RAD51: variants seen among roughly 807,000 people sequenced by gnomAD.
RAD51 encodes DNA repair protein RAD51 homolog 1.
Under a neutral mutation model 41.5 loss-of-function variants are expected in RAD51, and 14 were observed. That is an observed-to-expected ratio of 0.34 (90% CI 0.22 to 0.53). RAD51 has a LOEUF of 0.53. RAD51 is among the 20% of genes least tolerant of loss of function. The pLI is 0.95. For synonymous variants in RAD51, 136 were observed against 148.6 expected (o/e 0.92, Z 0.62); for missense variants, 234 against 422.0 (o/e 0.55, Z 3.90).
chr15:40,709,183 TCTG>T, intron 5 of RAD51, 67 bp downstream of exon 5: 1 of 1,367,722 alleles, frequency 7.3e-7, no homozygotes, highest in Non-Finnish European at 1.0e-6. Context: ...TTTGCAAGCA[TCTG>T]TTAGGATGGC....
At chr15:40,719,023 C>T in intron 6 of RAD51, 124 bp downstream of exon 6, 1 of 829,808 alleles carries the variant, frequency 1.2e-6, no homozygotes, top group East Asian at 2.7e-5. Flanking sequence ...ATGTGTGGTT[C>T]AAAAGAATGA....
intron 9 of RAD51, 101 bp downstream of exon 9, chr15:40,730,075 T>TTTA: frequency 1.4e-6 from 2 of 1,472,196 alleles, no homozygotes; most frequent in South Asian, 2.3e-5. Flanking sequence ...AAAGCTACTG[T>TTTA]TGTATAGACA....
At chr15:40,702,576 A>T (rs7171898) in intron 3 of RAD51, among the ~76,000 whole-genome samples, 2 of 151,686 alleles carry the variant, frequency 1.3e-5, no homozygotes, top group African/African-American at 4.8e-5. Flanking sequence ...ACAATGGTGC[A>T]ATTTTGGCTC....
At chr15:40,697,672 G>C (rs1894735326) in intron 1 of RAD51, among the ~76,000 whole-genome samples, 1 of 148,658 alleles carries the variant, frequency 6.7e-6, no homozygotes, top group South Asian at 2.1e-4. Flanking sequence ...CCGCCTCCTG[G>C]GTTCACGCCA....
intron 9 of RAD51, among the ~76,000 whole-genome samples, chr15:40,730,515 T>TTTTTCTTTTTTTTTTTTCC (rs1555429741): frequency 8.5e-6 from 1 of 117,654 alleles, no homozygotes; most frequent in Non-Finnish European, 1.6e-5. Context: ...GAAAAAATTT[T>TTTTTCTTTTTTTTTTTTCC]TTTTCTTTTT....
chr15:40,728,060 A>G (rs1406210091), intron 6 of RAD51, among the ~76,000 whole-genome samples: 1 of 152,060 alleles, frequency 6.6e-6, no homozygotes, highest in East Asian at 1.9e-4. Context: ...GGGTTTTGCC[A>G]TGTTGACCAG....
chr15:40,707,810 C>T (rs1406911461), intron 4 of RAD51, among the ~76,000 whole-genome samples: 1 of 151,800 alleles, frequency 6.6e-6, no homozygotes, highest in Admixed American at 6.6e-5. Context: ...CACTGACTCC[C>T]AGGTTTGAGC....
intron 6 of RAD51, among the ~76,000 whole-genome samples, chr15:40,720,957 G>A (rs1896240040): frequency 6.6e-6 from 1 of 152,214 alleles, no homozygotes; most frequent in Admixed American, 6.5e-5. Flanking sequence ...CAAGGTGGGC[G>A]GATCACCTGA....
chr15:40,707,848 G>A, intron 4 of RAD51, among the ~76,000 whole-genome samples: 1 of 151,978 alleles, frequency 6.6e-6, no homozygotes, highest in East Asian at 1.9e-4. Context: ...CTCCTGAGTA[G>A]CTGCAATGAC....
intron 5 of RAD51, among the ~76,000 whole-genome samples, chr15:40,715,493 T>C (rs746632281): frequency 2.5e-4 from 38 of 152,290 alleles, no homozygotes; most frequent in Non-Finnish European, 3.8e-4. Context: ...ATTAAAATGG[T>C]AAAAGTTAGA....
intron 7 of RAD51, 90 bp downstream of exon 7, chr15:40,728,914 G>A (rs1896725832): frequency 8.9e-7 from 1 of 1,125,830 alleles, no homozygotes; most frequent in Non-Finnish European, 1.4e-6. Flanking sequence ...ATAGTAGTTT[G>A]AATTAGAAAT....
intron 3 of RAD51, among the ~76,000 whole-genome samples, chr15:40,703,992 C>G (rs983909382): frequency 7.9e-5 from 12 of 152,074 alleles, no homozygotes; most frequent in Admixed American, 6.6e-5. Flanking sequence ...CAGCCTCCAA[C>G]TCCTGGCTCA....
chr15:40,729,363 A>G, intron 7 of RAD51, 142 bp from the exon 8 acceptor site: 10 of 896,836 alleles, frequency 1.1e-5, no homozygotes, highest in Non-Finnish European at 1.6e-5. Context: ...ACAGAGCTAG[A>G]CTCCATCTCA....
intron 3 of RAD51, among the ~76,000 whole-genome samples, chr15:40,703,039 A>T (rs546152223): frequency 6.6e-6 from 1 of 152,184 alleles, no homozygotes; most frequent in South Asian, 2.1e-4. Flanking sequence ...TCACCAAAGG[A>T]AGTAGTCTAT....
In RAD51 at chr15:40,731,361, T is replaced by G; in HGVS notation, c.*183T>G. ...AGGAGACAGGTCAGTAGTCACAAAC[T>G]GATCTAAAATGTTTATTCCTTCTGT... On this transcript the variant is annotated 3_prime_UTR_variant, in exon 10 of 10. Coordinates refer to ENST00000267868, the MANE Select transcript of RAD51 (RefSeq NM_002875.5). 2 of 705,868 alleles carry G rather than the reference T, an allele frequency of 2.8e-6. No individual in the cohort carries two copies. The highest frequency in any genetic ancestry group is 4.7e-6 in the Non-Finnish European group (2 of 426,300). The allele number at this position is 705,868 out of a possible 1,614,324, so 43.7% of individuals were successfully genotyped here. A position where few individuals can be genotyped will look rare whatever the true frequency, so the allele number is the denominator to read the frequency against.
intron 4 of RAD51, among the ~76,000 whole-genome samples, chr15:40,707,709 GTTGTTGGT>G (rs1281539203): frequency 2.6e-5 from 4 of 151,664 alleles, no homozygotes; most frequent in African/African-American, 9.7e-5. Flanking sequence ...TTTTTTTGTT[GTTGTTGGT>G]TTGTTTGTTT....
chr15:40,723,181 T>G (rs45548833), intron 6 of RAD51, among the ~76,000 whole-genome samples: 254 of 152,262 alleles, frequency 1.7e-3, no homozygotes, highest in Non-Finnish European at 3.0e-3. Flanking sequence ...CTATGAAGGC[T>G]ATAATAAAAA....
chr15:40,708,488 A>G (rs998954327), intron 4 of RAD51, among the ~76,000 whole-genome samples: 6 of 151,866 alleles, frequency 4.0e-5, no homozygotes, highest in African/African-American at 1.5e-4. Flanking sequence ...TCGGCCCCCT[A>G]AAGTGCTGGG....
rs1896888517 is a variant in RAD51 at position 40,731,813 on chromosome 15, T to G, written c.*635T>G. 4.7e-6 allele frequency: 1 copy of G among 212,330 alleles called. No individual in the cohort carries two copies. Among genetic ancestry groups the G allele is most frequent in the Non-Finnish European group, 9.5e-6 (1 of 105,184 alleles). 13.2% of individuals were successfully genotyped at this position (212,330 alleles called of 1,614,324 possible). A position where few individuals can be genotyped will look rare whatever the true frequency, so the allele number is the denominator to read the frequency against. On this transcript the variant is annotated 3_prime_UTR_variant, in exon 10 of 10. Transcript: ENST00000267868. Reference sequence around the variant, plus strand: ...AAGCATTTCAGGCCAGTGTGGTGTCTTGCGCCTGTACTCCCAGCACTTTGG... The same window carrying G: ...AAGCATTTCAGGCCAGTGTGGTGTCGTGCGCCTGTACTCCCAGCACTTTGG...
Sources: allele counts gnomAD v4.1 joint callset (sites outside exome capture counted in the v4.1 genomes callset), GRCh38; gene constraint gnomAD v4.1.1; transcripts MANE v1.5; gene names NCBI Gene and HGNC (gene_info 2026-07-23, HGNC 2026-07-21).